Variants in LTBP1 observed in about 807,000 individuals in gnomAD.
The protein encoded by LTBP1 is latent-transforming growth factor beta-binding protein 1.
Under a neutral mutation model 207.6 loss-of-function variants are expected in LTBP1, and 129 were observed. The observed-to-expected ratio is 0.62, with a 90% CI of 0.54 to 0.72. The LOEUF (loss-of-function observed/expected upper bound fraction) is 0.72. Among genes scored for constraint, LTBP1 ranks in the 30% least tolerant of loss-of-function variants. The pLI, the probability that LTBP1 is intolerant of heterozygous loss-of-function variation, is 0.00. For missense variants in LTBP1, 2,281 were observed against 2,217.2 expected, an observed-to-expected ratio of 1.03 and a Z score of -0.58; for synonymous variants, 963 against 833.7, an observed-to-expected ratio of 1.16 and a Z score of -2.67.
intron 22 of LTBP1, among the ~76,000 whole-genome samples, chr2:33,307,573 A>G (rs1448774153): frequency 6.6e-6 from 1 of 152,224 alleles, no homozygotes. Flanking sequence ...GGGGATGGAA[A>G]TGCCTGTTCC....
At chr2:33,232,898 G>A (rs1431768624) in intron 9 of LTBP1, among the ~76,000 whole-genome samples, 3 of 152,026 alleles carry the variant, frequency 2.0e-5, no homozygotes, top group African/African-American at 7.2e-5. Context: ...TTTTCTAGTG[G>A]TGCTTGACTA....
At chr2:33,276,017 C>G in intron 18 of LTBP1, 94 bp downstream of exon 18, 1 of 1,422,160 alleles carries the variant, frequency 7.0e-7, no homozygotes, top group Non-Finnish European at 9.3e-7. Context: ...ACACTCAGTG[C>G]GTGACACCAG....
At chr2:33,310,845 A>AG (rs2149181256) in intron 23 of LTBP1, among the ~76,000 whole-genome samples, 1 of 152,250 alleles carries the variant, frequency 6.6e-6, no homozygotes, top group East Asian at 1.9e-4. Context: ...ACCCATGTTT[A>AG]TATTTTCCAT....
intron 3 of LTBP1, among the ~76,000 whole-genome samples, chr2:33,041,121 A>G (rs933007279): frequency 2.0e-5 from 3 of 151,890 alleles, no homozygotes; most frequent in East Asian, 3.8e-4. Flanking sequence ...GTGTGACCTC[A>G]AAGAATGATT....
intron 9 of LTBP1, among the ~76,000 whole-genome samples, chr2:33,225,232 C>T (rs1355314919): frequency 6.6e-6 from 1 of 152,186 alleles, no homozygotes; most frequent in East Asian, 1.9e-4. Flanking sequence ...GCAAATCTAT[C>T]ATCTTGAACA....
intron 5 of LTBP1, among the ~76,000 whole-genome samples, chr2:33,143,632 G>A (rs558218089): frequency 2.0e-4 from 31 of 152,204 alleles, no homozygotes; most frequent in Admixed American, 5.2e-4. Flanking sequence ...TCTACTCATG[G>A]GCAAAGTGCA....
rs1233801179 is a variant in LTBP1, at chr2:33,293,298, A to G, written c.3235+16A>G. 1.3e-6 allele frequency: 2 copies of G among 1,578,068 alleles called. No homozygotes were observed. Among genetic ancestry groups the G allele is most frequent in the African/African-American group, 2.8e-5 (2 of 72,520 alleles). On this transcript the variant is annotated intron_variant, in intron 20 of 33. Coordinates refer to ENST00000404816, the MANE Select transcript of LTBP1 (RefSeq NM_206943.4). Reference sequence around the variant, plus strand: ...CACTGTAGAGGTAAATACTGTGATCAAGTTTCCCATTTTTATTTAAACTTC... The same window carrying G: ...CACTGTAGAGGTAAATACTGTGATCGAGTTTCCCATTTTTATTTAAACTTC...
chr2:33,119,671 C>T (rs181231579), intron 4 of LTBP1, among the ~76,000 whole-genome samples: 10 of 152,272 alleles, frequency 6.6e-5, no homozygotes, highest in African/African-American at 2.4e-4. Context: ...ATTCTTCTGC[C>T]TCAGCTTCCC....
intron 15 of LTBP1, among the ~76,000 whole-genome samples, chr2:33,266,731 G>T (rs557028742): frequency 2.6e-5 from 4 of 152,254 alleles, no homozygotes; most frequent in Admixed American, 6.5e-5. Context: ...GCAGAAAGGA[G>T]CTACCCACTG....
intron 3 of LTBP1, among the ~76,000 whole-genome samples, chr2:33,034,424 A>G (rs1174428538): frequency 2.0e-5 from 3 of 152,158 alleles, no homozygotes; most frequent in Non-Finnish European, 2.9e-5. Context: ...GAAATTTTGT[A>G]GTGTGAATGT....
At chr2:33,159,518 A>T (rs866600660) in intron 5 of LTBP1, among the ~76,000 whole-genome samples, 2 of 152,216 alleles carry the variant, frequency 1.3e-5, no homozygotes, top group African/African-American at 4.8e-5. Flanking sequence ...AACTCTTAAA[A>T]TAATACTTTC....
At chr2:33,075,156 G>A (rs2078016310) in intron 3 of LTBP1, among the ~76,000 whole-genome samples, 1 of 152,196 alleles carries the variant, frequency 6.6e-6, no homozygotes, top group Non-Finnish European at 1.5e-5. Flanking sequence ...CAACTGCTGA[G>A]CATCTCTAAA....
Position 33,042,935 on chromosome 2 carries a change from G to GA in LTBP1, c.863+21737dup, listed in dbSNP as rs957211022. Among the ~76,000 whole-genome samples, 36 of 151,940 alleles carry GA rather than the reference G, an allele frequency of 2.4e-4. No individual in the cohort carries two copies. The East Asian group carries it at 4.2e-3, about 18-fold the overall frequency. The stretch of plus-strand genomic sequence containing the variant: ...TGACTTGCAGGCCTTGTGCCATTGG[G>GA]AAAAAAAACAGCCAGGCCTATGGTT... On this transcript the variant is annotated intron_variant, in intron 3 of 33. Coordinates refer to ENST00000404816, the MANE Select transcript of LTBP1 (RefSeq NM_206943.4).
At chr2:33,309,074 G>A (rs1000945041) in intron 22 of LTBP1, among the ~76,000 whole-genome samples, 19 of 151,948 alleles carry the variant, frequency 1.3e-4, no homozygotes, top group Non-Finnish European at 1.2e-4. Flanking sequence ...CTTGAGGTCC[G>A]GAGTTGAAGA....
At chr2:32,986,648 C>T (rs775625947) in intron 2 of LTBP1, among the ~76,000 whole-genome samples, 38 of 152,168 alleles carry the variant, frequency 2.5e-4, no homozygotes, top group Non-Finnish European at 5.1e-4. Context: ...CTTCTAAGCA[C>T]AGCACCTGTG....
At chr2:33,102,903 CTGTATGCACTG>C (rs1285519530) in intron 3 of LTBP1, among the ~76,000 whole-genome samples, 1 of 151,612 alleles carries the variant, frequency 6.6e-6, no homozygotes. Context: ...TGTCTGTATG[CTGTATGCACTG>C]TGTATGCACA....
chr2:33,257,329 C>A lies in LTBP1; in HGVS notation c.2213C>A (p.Ser738Tyr). 2 of 1,614,204 alleles carry A rather than the reference C, an allele frequency of 1.2e-6. No homozygotes were observed. Among genetic ancestry groups the A allele is most frequent in the Non-Finnish European group, 8.5e-7 (1 of 1,180,032 alleles). The change falls in exon 12 of 34, where the codon TCT becomes TAT. Residue 738 changes from serine to tyrosine, a missense_variant. Ser to Tyr is a moderately radical substitution (Grantham distance 144). Around this residue, in one of 3 missense-constraint regions of LTBP1, gnomAD observed 1,671 missense variants for 1,634.8 expected, o/e 1.02. Transcript: ENST00000404816. Reference sequence around the variant, plus strand: ...CCTGGTGGAATGGGTTATACGGTTTCTGGCGTTCATAGACGCAGGCCAATC... The same window carrying A: ...CCTGGTGGAATGGGTTATACGGTTTATGGCGTTCATAGACGCAGGCCAATC... ...ICPGGMGYTV[S>Y]GVHRRRPIHH...
chr2:33,387,769 C>T (rs942701860), intron 31 of LTBP1, among the ~76,000 whole-genome samples: 1 of 147,674 alleles, frequency 6.8e-6, no homozygotes, highest in Non-Finnish European at 1.5e-5. Context: ...AGAATAAACA[C>T]AATAGGGGAA....
intron 4 of LTBP1, among the ~76,000 whole-genome samples, chr2:33,119,195 CA>C (rs2080960872): frequency 1.3e-5 from 2 of 149,688 alleles, no homozygotes; most frequent in South Asian, 4.2e-4. Context: ...AAAGGTAATA[CA>C]AATGAATTTA....
Sources: gnomAD v4.1 joint callset for allele counts (sites outside exome capture counted in the v4.1 genomes callset) on GRCh38, gnomAD v4.1.1 for gene constraint, gnomAD v4.1.1 regional missense constraint, MANE v1.5 for transcripts, NCBI Gene and HGNC (gene_info 2026-07-23, HGNC 2026-07-21) for gene names.